The following MTMR8 variants were observed in gnomAD, a reference collection of about 807,000 sequenced individuals.
MTMR8 encodes the protein phosphatidylinositol-3,5-bisphosphate 3-phosphatase MTMR8.
MTMR8 carries 65 observed loss-of-function variants against 39.3 expected under a neutral mutation model. That is an observed-to-expected ratio of 1.65 (90% CI 1.35 to 2.03). MTMR8 has a LOEUF of 2.03. Ranked by LOEUF, MTMR8 falls within the 30% of genes most tolerant of loss-of-function variation. MTMR8 has a pLI of 0.00. For missense variants in MTMR8, 777 were observed against 538.9 expected, an observed-to-expected ratio of 1.44 and a Z score of -4.37; for synonymous variants, 245 against 185.2, an observed-to-expected ratio of 1.32 and a Z score of -2.62.
chrX:64,359,352 G>A (rs893866144), intron 2 of MTMR8, 53 bp downstream of exon 2: 9 of 1,115,733 alleles, frequency 8.1e-6, no homozygotes, highest in Non-Finnish European at 9.6e-6. Context: ...CATATAGAGA[G>A]CATGTATGCA....
At chrX:64,284,677 C>G (rs934209669) in intron 12 of MTMR8, among the ~76,000 whole-genome samples, 2 of 111,585 alleles carry the variant, frequency 1.8e-5, no homozygotes, top group Non-Finnish European at 3.8e-5. Flanking sequence ...ATTCAACATT[C>G]TTAAAGAAAA....
chrX:64,292,286 C>T (rs190291988), intron 12 of MTMR8, among the ~76,000 whole-genome samples: 23 of 111,699 alleles, frequency 2.1e-4, no homozygotes, highest in African/African-American at 7.1e-4. Context: ...GTATGTTGAG[C>T]TCTCCATCTT....
chrX:64,295,607 C>T (rs1921549974), intron 12 of MTMR8, among the ~76,000 whole-genome samples: 1 of 111,460 alleles, frequency 9.0e-6, no homozygotes, highest in African/African-American at 3.3e-5. Context: ...ATTCCTAAAA[C>T]TCAACCACAA....
At chrX:64,347,154 G>A (rs1423408760) in intron 6 of MTMR8, among the ~76,000 whole-genome samples, 3 of 110,576 alleles carry the variant, frequency 2.7e-5, no homozygotes, top group African/African-American at 6.6e-5. Flanking sequence ...CTAAAAGTAC[G>A]GATCTAGCCA....
Position 64,268,671 on chromosome X carries a change from A to T in MTMR8, c.1981T>A (p.Ser661Thr). The T allele has an allele frequency of 8.3e-7, 1 of 1,211,603 alleles. No individual in the cohort carries two copies. The highest frequency in any genetic ancestry group is 1.1e-6 in the Non-Finnish European group (1 of 895,485). ...TTTCCAGAGATGCCAGTGGCCTCAG[A>T]GATGTCCATGGCCCCACAGATTCCT... ...DLGICGAMDI[S>T]EATGISGNLG... Residue 661 changes from serine to threonine, a missense_variant, in exon 14 of 14, where the codon TCT becomes ACT. By Grantham distance (58) the Ser-to-Thr change is moderately conservative (BLOSUM62 1). Coordinates refer to ENST00000374852, the MANE Select transcript of MTMR8 (RefSeq NM_017677.4).
At chrX:64,395,154 G>A (rs771947549) in intron 1 of MTMR8, among the ~76,000 whole-genome samples, 186 bp downstream of exon 1, 7 of 111,387 alleles carry the variant, frequency 6.3e-5, no homozygotes, top group Non-Finnish European at 1.3e-4. Flanking sequence ...GCTGACGCCC[G>A]CAAGCAGATC....
At chrX:64,391,993 G>A (rs1924702216) in intron 1 of MTMR8, among the ~76,000 whole-genome samples, 2 of 111,752 alleles carry the variant, frequency 1.8e-5, no homozygotes, top group African/African-American at 6.5e-5. Context: ...AGAATTCTGG[G>A]TGCCAACTGA....
chrX:64,388,089 A>G (rs1924608670), intron 1 of MTMR8, among the ~76,000 whole-genome samples: 2 of 111,995 alleles, frequency 1.8e-5, no homozygotes, highest in Non-Finnish European at 3.8e-5. Flanking sequence ...AGGGAGGAAG[A>G]GAGGAAATCA....
chrX:64,291,528 C>T (rs1435249900), intron 12 of MTMR8, among the ~76,000 whole-genome samples: 1 of 110,859 alleles, frequency 9.0e-6, no homozygotes, highest in African/African-American at 3.3e-5. Context: ...ACACCCCACA[C>T]ACCCCTCAAA....
intron 12 of MTMR8, among the ~76,000 whole-genome samples, chrX:64,303,501 G>T (rs1031083976): frequency 3.6e-5 from 4 of 112,011 alleles, no homozygotes; most frequent in African/African-American, 1.3e-4. Flanking sequence ...AGATATAGAG[G>T]CTATTGGTGG....
chrX:64,297,428 G>T (rs759669856), intron 12 of MTMR8, among the ~76,000 whole-genome samples: 1 of 96,417 alleles, frequency 1.0e-5, no homozygotes, highest in Non-Finnish European at 2.1e-5. Context: ...TGATGGGGTT[G>T]TTTGTTTTTT....
rs192547025 is a variant in MTMR8, at chrX:64,378,985, G to A, written c.24+16355C>T. On this transcript the variant is annotated intron_variant, in intron 1 of 13. Transcript: ENST00000374852. ...ATCCCATGTACATTAAAAGGATAAT[G>A]AAACAATATTATGAATAACTGTATG... Among the ~76,000 whole-genome samples, 415 of 111,748 alleles carry A rather than the reference G, an allele frequency of 3.7e-3. 3 individuals are homozygous for A. Among genetic ancestry groups the A allele is most frequent in the African/African-American group, 0.013 (387 of 30,798 alleles).
intron 12 of MTMR8, among the ~76,000 whole-genome samples, chrX:64,311,825 G>T (rs1922312691): frequency 9.9e-6 from 1 of 100,877 alleles, no homozygotes; most frequent in Non-Finnish European, 2.0e-5. Flanking sequence ...GATGTGTGGT[G>T]TTATTTCTGA....
chrX:64,300,634 G>T lies in MTMR8; in HGVS notation c.1481+28138C>A, dbSNP rs376958448. Among the ~76,000 whole-genome samples the T allele has an allele frequency of 9.7e-3, 975 of 100,770 alleles. 16 individuals are homozygous for T. The highest frequency in any genetic ancestry group is 0.032 in the African/African-American group (880 of 27,261). 87.5% of individuals were successfully genotyped at this position (100,770 alleles called of 115,157 possible). On this transcript the variant is annotated intron_variant, in intron 12 of 13. Coordinates refer to ENST00000374852, the MANE Select transcript of MTMR8 (RefSeq NM_017677.4). ...TCCTGTCATTATGATGTTAGCTGGT[G>T]ATTTTGCTCGTTAGTTGATGCAGTT... is the stretch of plus-strand genomic sequence containing the variant.
At position 64,287,744 on chromosome X, in the gene MTMR8, G is replaced by T. The variant is rs1162051816; in HGVS notation, c.1482-16671C>A. ...GATTCCCTACTTAATAAATGGTGCT[G>T]GGAAAACTGGCTAGCCATATGTAGA... On this transcript the variant is annotated intron_variant, in intron 12 of 13. Coordinates refer to ENST00000374852, the MANE Select transcript of MTMR8 (RefSeq NM_017677.4). 3.7e-5 allele frequency among the ~76,000 whole-genome samples: 4 copies of T among 108,174 alleles called. No individual in the cohort carries two copies. The Admixed American group carries it at 4.0e-4, about 11-fold the overall frequency. The allele number at this position is 108,174 out of a possible 115,157, so 93.9% of individuals were successfully genotyped here.
intron 4 of MTMR8, among the ~76,000 whole-genome samples, chrX:64,350,598 T>C (rs1278781268): frequency 9.0e-6 from 1 of 111,573 alleles, no homozygotes; most frequent in African/African-American, 3.3e-5. Flanking sequence ...AAATACCAGC[T>C]AGCTAATGCT....
intron 1 of MTMR8, among the ~76,000 whole-genome samples, chrX:64,392,205 G>A (rs923354106): frequency 1.1e-4 from 12 of 111,286 alleles, no homozygotes; most frequent in African/African-American, 2.0e-4. Context: ...CATATTCTAC[G>A]GCCCAGAAAT....
intron 12 of MTMR8, among the ~76,000 whole-genome samples, chrX:64,327,252 C>A (rs1922821233): frequency 9.0e-6 from 1 of 111,261 alleles, no homozygotes. Context: ...AAGAGATAAC[C>A]CACAGAATGG....
intron 11 of MTMR8, among the ~76,000 whole-genome samples, chrX:64,329,478 G>A (rs374208288): frequency 1.8e-5 from 2 of 111,163 alleles, no homozygotes; most frequent in South Asian, 3.8e-4. Context: ...ATCCCAGGTG[G>A]GCAACTAAAG....
Sources: gnomAD v4.1 joint callset for allele counts (sites outside exome capture counted in the v4.1 genomes callset) on GRCh38, gnomAD v4.1.1 for gene constraint, MANE v1.5 for transcripts, NCBI Gene and HGNC (gene_info 2026-07-23, HGNC 2026-07-21) for gene names.